The following CCDC30 variants were observed in gnomAD, a reference collection of about 807,000 sequenced individuals.
CCDC30 encodes coiled-coil domain-containing protein 30.
A neutral mutation model predicts 100.2 loss-of-function variants in CCDC30; 70 were observed. The ratio of observed to expected loss-of-function variants is 0.70; its 90% CI spans 0.58 to 0.85. CCDC30 has a LOEUF of 0.85. Ranked by LOEUF, CCDC30 falls within the 40% of genes least tolerant of loss-of-function variation. The pLI is 0.00. For synonymous variants in CCDC30, 233 were observed against 269.5 expected, an observed-to-expected ratio of 0.86 and a Z score of 1.33; for missense variants, 652 against 771.2, an observed-to-expected ratio of 0.85 and a Z score of 1.83.
chr1:42,644,125 T>G (rs1647673994), intron 13 of CCDC30, among the ~76,000 whole-genome samples: 2 of 152,278 alleles, frequency 1.3e-5, no homozygotes, highest in South Asian at 4.1e-4. Flanking sequence ...AATATGTATA[T>G]GTAAAGGAGA....
At chr1:42,566,451 C>G in exon 7 of CCDC30, 1 of 1,613,562 alleles carries the variant, frequency 6.2e-7, no homozygotes, top group Non-Finnish European at 8.5e-7. Flanking sequence ...AACATAATAG[C>G]TTACTTCAGG....
chr1:42,486,076 A>T (rs1274621612), intron 3 of CCDC30, among the ~76,000 whole-genome samples: 2 of 152,194 alleles, frequency 1.3e-5, no homozygotes, highest in African/African-American at 4.8e-5. Flanking sequence ...AAAACATTTA[A>T]CAGTTTCTCA....
In CCDC30 at chr1:42,573,056, C is replaced by T. The variant is rs187123680; in HGVS notation, c.637-3964C>T. The stretch of plus-strand genomic sequence containing the variant: ...ATAGAACAAATCTTTTCACCTTGTT[C>T]TTCTTTTCTGGGATATCTGGGCTAT... On this transcript the variant is annotated intron_variant, in intron 7 of 16. Coordinates refer to ENST00000668663, the Ensembl canonical transcript of CCDC30. Among the ~76,000 whole-genome samples, 199 of 152,256 alleles carry T rather than the reference C, an allele frequency of 1.3e-3. 1 individual carries two copies. Among genetic ancestry groups the T allele is most frequent in the African/African-American group, 4.6e-3 (193 of 41,574 alleles).
chr1:42,502,563 G>A (rs1385911775), intron 6 of CCDC30, among the ~76,000 whole-genome samples: 2 of 152,174 alleles, frequency 1.3e-5, no homozygotes, highest in Non-Finnish European at 2.9e-5. Flanking sequence ...GCTCATGCTG[G>A]GAGCTGTAGA....
intron 6 of CCDC30, among the ~76,000 whole-genome samples, chr1:42,519,907 A>G (rs577482201): frequency 3.3e-5 from 5 of 152,264 alleles, no homozygotes; most frequent in Middle Eastern, 3.4e-3. Flanking sequence ...TAGATATGCA[A>G]TTATTCATAG....
chr1:42,555,191 A>G (rs1645343482), intron 6 of CCDC30, among the ~76,000 whole-genome samples: 1 of 152,232 alleles, frequency 6.6e-6, no homozygotes, highest in Non-Finnish European at 1.5e-5. Flanking sequence ...TGGCATCCAA[A>G]TAATATTTCT....
At chr1:42,499,815 C>T (rs1019408928) in intron 6 of CCDC30, among the ~76,000 whole-genome samples, 7 of 150,694 alleles carry the variant, frequency 4.6e-5, no homozygotes, top group African/African-American at 1.2e-4. Flanking sequence ...TTTTTATTTG[C>T]GTATTTAAAA....
intron 11 of CCDC30, among the ~76,000 whole-genome samples, 185 bp from the exon 16 acceptor site, chr1:42,637,052 G>A (rs557411331): frequency 1.3e-5 from 2 of 151,292 alleles, no homozygotes; most frequent in African/African-American, 4.9e-5. Flanking sequence ...GTTATATAGG[G>A]GGTTATCCTT....
At chr1:42,536,777 G>A (rs1644913319) in intron 6 of CCDC30, 176 bp downstream of exon 7, 1 of 535,976 alleles carries the variant, frequency 1.9e-6, no homozygotes, top group Non-Finnish European at 3.3e-6. Context: ...ATGGAGGAGG[G>A]GAAGTCCAAG....
downstream of CCDC30, chr1:42,654,630 A>C (rs578131573): frequency 6.6e-6 from 1 of 151,548 alleles, no homozygotes; most frequent in African/African-American, 2.4e-5. Context: ...GCACCACTGC[A>C]CTCCAGCCTG....
At chr1:42,609,399 CA>C (rs1165016687) in intron 10 of CCDC30, among the ~76,000 whole-genome samples, 1 of 152,140 alleles carries the variant, frequency 6.6e-6, no homozygotes, top group Non-Finnish European at 1.5e-5. Context: ...CTCTAGTTAA[CA>C]GTAGGCTATT....
At chr1:42,516,495 A>T (rs2148497334) in intron 6 of CCDC30, among the ~76,000 whole-genome samples, 1 of 141,930 alleles carries the variant, frequency 7.0e-6, no homozygotes, top group South Asian at 2.4e-4. Flanking sequence ...TGAACCCAGG[A>T]GGTGGAGGTT....
At chr1:42,653,882 A>G in exon 17 of CCDC30, 1 of 1,614,192 alleles carries the variant, frequency 6.2e-7, no homozygotes, top group Middle Eastern at 1.6e-4. Flanking sequence ...GATCAAGTCA[A>G]AAGAAGCAAT....
chr1:42,644,163 T>C (rs1647679625), intron 13 of CCDC30, among the ~76,000 whole-genome samples: 1 of 152,128 alleles, frequency 6.6e-6, no homozygotes. Context: ...AAGAGGAGTT[T>C]ATTAAGTATT....
intron 6 of CCDC30, among the ~76,000 whole-genome samples, chr1:42,502,503 T>C (rs1195189381): frequency 1.3e-5 from 2 of 152,184 alleles, no homozygotes; most frequent in African/African-American, 2.4e-5. Flanking sequence ...CCCAGTAAGA[T>C]GAACCCAGTA....
intron 6 of CCDC30, 45 bp downstream of exon 7, chr1:42,536,646 T>G: frequency 7.4e-7 from 1 of 1,346,592 alleles, no homozygotes; most frequent in South Asian, 1.2e-5. Context: ...GTAGTTCTAA[T>G]TTAGGGATTT....
chr1:42,595,767 G>A (rs879927516), intron 10 of CCDC30, among the ~76,000 whole-genome samples: 39 of 152,056 alleles, frequency 2.6e-4, no homozygotes, highest in Admixed American at 1.5e-3. Flanking sequence ...AAATTAAGTG[G>A]ATTAGCCTTA....
rs184634144 is a variant in CCDC30 at position 42,642,076 on chromosome 1, C to T, written c.1420-397C>T. On this transcript the variant is annotated intron_variant, in intron 12 of 16. Coordinates refer to ENST00000668663, the Ensembl canonical transcript of CCDC30. ...CCATCTCTACTAAAAATACAAAAAA[C>T]TTAGCCGGGCGTAGTGGTGGGCACC... 6.6e-3 allele frequency among the ~76,000 whole-genome samples: 996 copies of T among 151,596 alleles called. 16 individuals carry two copies. Among genetic ancestry groups the T allele is most frequent in the African/African-American group, 0.023 (958 of 41,324 alleles).
At chr1:42,570,942 G>A (rs1402837951) in intron 7 of CCDC30, 1 of 152,176 alleles carries the variant, frequency 6.6e-6, no homozygotes, top group Admixed American at 6.5e-5. Context: ...CAGGCAGATT[G>A]CTGCTTTGTC....
Sources: allele counts gnomAD v4.1 joint callset (sites outside exome capture counted in the v4.1 genomes callset), GRCh38; gene constraint gnomAD v4.1.1; transcripts MANE v1.5; gene names NCBI Gene and HGNC (gene_info 2026-07-23, HGNC 2026-07-21).